Variants in JAK1 observed in about 807,000 individuals in gnomAD.
JAK1 encodes the protein Janus kinase 1.
In JAK1, 16 loss-of-function variants were observed where a neutral mutation model predicts 136.6. The ratio of observed to expected loss-of-function variants is 0.12; its 90% CI spans 0.08 to 0.18. JAK1 has a LOEUF of 0.18. Ranked by LOEUF, JAK1 falls within the 10% of genes least tolerant of loss-of-function variation. The pLI is 1.00. For missense variants in JAK1, 859 were observed against 1,450.1 expected (o/e 0.59, Z 6.62); for synonymous variants, 492 against 519.5 (o/e 0.95, Z 0.72).
At chr1:64,966,267 G>C (rs1569772740) in intron 1 of JAK1, 66 bp downstream of exon 1, 2 of 152,422 alleles carry the variant, frequency 1.3e-5, no homozygotes, top group Non-Finnish European at 1.5e-5. Flanking sequence ...GCCAGTCCGG[G>C]CTGCGCGCCC....
At chr1:64,894,433 A>C (rs1644983260) in intron 1 of JAK1, among the ~76,000 whole-genome samples, 1 of 152,146 alleles carries the variant, frequency 6.6e-6, no homozygotes, top group South Asian at 2.1e-4. Context: ...GTACTCAGCT[A>C]TTGCCTCAAA....
intron 2 of JAK1, among the ~76,000 whole-genome samples, chr1:65,019,841 G>A (rs188787141): frequency 8.6e-5 from 13 of 152,044 alleles, no homozygotes; most frequent in Admixed American, 3.3e-4. Flanking sequence ...GCTTGAACCC[G>A]GGAGGCAGAG....
chr1:64,980,351 G>T lies in JAK1; in HGVS notation c.-78+64129C>A, dbSNP rs1216756513. Among the ~76,000 whole-genome samples the T allele has an allele frequency of 2.0e-5, 3 of 152,180 alleles. No homozygotes were observed. The East Asian group carries it at 5.8e-4, about 29-fold the overall frequency. ...CACTCACACAAAGCTCCCTGGGTTT[G>T]GCAGCCATCCCTGAAGATGTAGGTA... is the stretch of plus-strand genomic sequence containing the variant. On this transcript the variant is annotated intron_variant, in intron 2 of 25. Coordinates refer to the JAK1 transcript ENST00000671954.
In JAK1 at chr1:64,925,199, C is replaced by G. The variant is rs532511250; in HGVS notation, c.-77-38858G>C. ...ATCACCTGAGGTCAAGAGTTCAAGA[C>G]CAGCCTGACTAACACAGTGAAACAC... On this transcript the variant is annotated intron_variant, in intron 1 of 24. Transcript: ENST00000342505. Among the ~76,000 whole-genome samples, 10 of 150,644 alleles carry G rather than the reference C, an allele frequency of 6.6e-5. No individual in the cohort carries two copies. The East Asian group carries it at 1.2e-3, about 18-fold the overall frequency.
At chr1:64,884,413 A>G (rs762409306) in intron 2 of JAK1, among the ~76,000 whole-genome samples, 17 of 152,106 alleles carry the variant, frequency 1.1e-4, no homozygotes, top group Non-Finnish European at 1.9e-4. Flanking sequence ...GCCAACCTTC[A>G]CTTAAACCCC....
At chr1:65,037,189 CAAAAAG>C (rs1303769254) in intron 2 of JAK1, among the ~76,000 whole-genome samples, 2 of 151,680 alleles carry the variant, frequency 1.3e-5, no homozygotes, top group South Asian at 2.1e-4. Flanking sequence ...GACCTCATCT[CAAAAAG>C]AAAAAGAAAA....
At position 64,844,709 on chromosome 1, in the gene JAK1, C is replaced by T. The variant is rs752301251; in HGVS notation, c.2251+45G>A. On this transcript the variant is annotated intron_variant, in intron 16 of 24. Coordinates refer to ENST00000342505, the MANE Select transcript of JAK1 (RefSeq NM_002227.4). The surrounding 1 kb of genome is among the most constrained non-coding windows in gnomAD (Gnocchi z 5.7). ...CCCAGCCCTTCTCTCTGCTGACTTGCCCCTGACTCGGGGTGGGGCCAGAGG... is the reference window on the plus strand; with the variant it reads ...CCCAGCCCTTCTCTCTGCTGACTTGTCCCTGACTCGGGGTGGGGCCAGAGG... The T allele has an allele frequency of 6.2e-7, 1 of 1,612,538 alleles. No homozygotes were observed. The highest frequency in any genetic ancestry group is 2.2e-5 in the East Asian group (1 of 44,866).
At chr1:64,909,847 A>C (rs1214275037) in intron 1 of JAK1, among the ~76,000 whole-genome samples, 2 of 152,106 alleles carry the variant, frequency 1.3e-5, no homozygotes, top group African/African-American at 4.8e-5. Context: ...GGTCTCAAAA[A>C]AATAAGACAG....
chr1:64,895,806 C>T (rs772537572), intron 1 of JAK1, among the ~76,000 whole-genome samples: 6 of 152,220 alleles, frequency 3.9e-5, no homozygotes, highest in Non-Finnish European at 8.8e-5. Context: ...CCAAACCACT[C>T]TTCTTACACA....
intron 10 of JAK1, 67 bp downstream of exon 10, chr1:64,857,589 C>T: frequency 1.3e-6 from 2 of 1,591,370 alleles, no homozygotes; most frequent in Non-Finnish European, 1.7e-6. Context: ...TGCAGCAGCT[C>T]CTGAACCAGG....
intron 1 of JAK1, among the ~76,000 whole-genome samples, chr1:64,911,902 A>C (rs1451150019): frequency 6.6e-6 from 1 of 152,186 alleles, no homozygotes; most frequent in Admixed American, 6.5e-5. Context: ...CAACAACAAC[A>C]CAGATTCATG....
intron 1 of JAK1, among the ~76,000 whole-genome samples, chr1:64,933,529 C>G (rs911991995): frequency 1.3e-5 from 2 of 152,196 alleles, no homozygotes; most frequent in African/African-American, 4.8e-5. Flanking sequence ...CACAATGCCC[C>G]AATACTACCT....
intron 2 of JAK1, among the ~76,000 whole-genome samples, chr1:64,976,841 T>C (rs906450347): frequency 3.9e-5 from 6 of 152,146 alleles, no homozygotes; most frequent in African/African-American, 1.4e-4. Flanking sequence ...CAACCACCTT[T>C]TCCAGGCTTC....
At chr1:64,896,930 G>T (rs1003998330) in intron 1 of JAK1, among the ~76,000 whole-genome samples, 3 of 152,120 alleles carry the variant, frequency 2.0e-5, no homozygotes, top group Admixed American at 6.5e-5. Context: ...TTTCTCATTT[G>T]CAAATAAGGA....
chr1:64,978,777 A>C (rs1305768815), intron 2 of JAK1, among the ~76,000 whole-genome samples: 3 of 152,128 alleles, frequency 2.0e-5, no homozygotes, highest in Non-Finnish European at 4.4e-5. Flanking sequence ...CTATTCTGAC[A>C]ATCAAGGCCG....
intron 2 of JAK1, among the ~76,000 whole-genome samples, chr1:65,038,446 G>A (rs959679119): frequency 2.6e-5 from 4 of 151,716 alleles, no homozygotes; most frequent in South Asian, 2.1e-4. Context: ...TGATCTGCCC[G>A]CCTCGGCCTC....
rs1169485233 is a variant in JAK1, at chr1:64,846,643, A to T, written c.1987+6T>A. 1.9e-6 allele frequency: 3 copies of T among 1,611,238 alleles called. No individual in the cohort carries two copies. Among genetic ancestry groups the T allele is most frequent in the Non-Finnish European group, 2.5e-6 (3 of 1,177,744 alleles). On this transcript the variant is annotated splice_donor_region_variant and intron_variant, in intron 14 of 24. Transcript: ENST00000342505. ...CACCCACCCCTTTGAAAGAGAACAC[A>T]CTTACTCTCCACGTCGCGGACACAG...
chr1:64,942,758 C>T (rs1406755743), intron 1 of JAK1, among the ~76,000 whole-genome samples: 1 of 152,092 alleles, frequency 6.6e-6, no homozygotes, highest in Non-Finnish European at 1.5e-5. Flanking sequence ...ATATAAGATA[C>T]TTTTTTCTCC....
intron 1 of JAK1, among the ~76,000 whole-genome samples, chr1:64,923,151 C>T (rs1232007168): frequency 6.6e-6 from 1 of 152,162 alleles, no homozygotes; most frequent in African/African-American, 2.4e-5. Context: ...ACCTCCTCCT[C>T]CTCCACCACC....
Sources: gnomAD v4.1 joint callset for allele counts (sites outside exome capture counted in the v4.1 genomes callset) on GRCh38, gnomAD v4.1.1 for gene constraint, Gnocchi (gnomAD v3.1) non-coding constraint, MANE v1.5 for transcripts, NCBI Gene and HGNC (gene_info 2026-07-23, HGNC 2026-07-21) for gene names.